TMEM244: variants seen among roughly 807,000 people sequenced by gnomAD.
The protein encoded by TMEM244 is transmembrane protein 244.
Under a neutral mutation model 15.8 loss-of-function variants are expected in TMEM244, and 13 were observed. That is an observed-to-expected ratio of 0.82 (90% CI 0.53 to 1.30). The LOEUF is 1.30. Ranked by LOEUF, TMEM244 falls within the 50% of genes most tolerant of loss-of-function variation. The pLI, the probability that TMEM244 is intolerant of heterozygous loss-of-function variation, is 0.00. For synonymous variants in TMEM244, 45 were observed against 48.7 expected, an observed-to-expected ratio of 0.92 and a Z score of 0.32; for missense variants, 161 against 144.9, an observed-to-expected ratio of 1.11 and a Z score of -0.57.
intron 2 of TMEM244, among the ~76,000 whole-genome samples, chr6:129,845,067 AC>A (rs2063768153): frequency 6.6e-6 from 1 of 152,218 alleles, no homozygotes; most frequent in Non-Finnish European, 1.5e-5. Flanking sequence ...TTTTACACTT[AC>A]ATAAAAATGA....
At chr6:129,847,750 A>G (rs924911673) in intron 1 of TMEM244, among the ~76,000 whole-genome samples, 4 of 147,590 alleles carry the variant, frequency 2.7e-5, no homozygotes, top group Admixed American at 2.7e-4. Context: ...AGGATCTCAC[A>G]TTCCTTGTTT....
intron 1 of TMEM244, among the ~76,000 whole-genome samples, chr6:129,848,307 G>T (rs1446372642): frequency 6.6e-6 from 1 of 152,190 alleles, no homozygotes; most frequent in Middle Eastern, 3.2e-3. Context: ...CCTTCCAGAA[G>T]CCGCAAACAG....
At chr6:129,855,100 C>T (rs1189759322) in intron 1 of TMEM244, among the ~76,000 whole-genome samples, 1 of 152,158 alleles carries the variant, frequency 6.6e-6, no homozygotes, top group Non-Finnish European at 1.5e-5. Context: ...AGTATTTCCC[C>T]TCAGGCAGGA....
In TMEM244 at chr6:129,841,039, A is replaced by G. The variant is rs142699232; in HGVS notation, c.193+2491T>C. 2.5e-3 allele frequency among the ~76,000 whole-genome samples: 374 copies of G among 152,334 alleles called. 1 individual carries two copies. The highest frequency in any genetic ancestry group is 8.4e-3 in the African/African-American group (350 of 41,568). ...GGCGATCCCTCAAGGATCTAGAACT[A>G]GAAATACCATTTGACCCACCAATCC... On this transcript the variant is annotated intron_variant, in intron 3 of 4. Coordinates refer to ENST00000368143, the MANE Select transcript of TMEM244 (RefSeq NM_001010876.2).
chr6:129,850,827 A>G (rs968379094), intron 1 of TMEM244, among the ~76,000 whole-genome samples: 4 of 152,246 alleles, frequency 2.6e-5, no homozygotes, highest in African/African-American at 4.8e-5. Flanking sequence ...AGACATCTCA[A>G]TTCAGACTAG....
intron 4 of TMEM244, among the ~76,000 whole-genome samples, chr6:129,832,798 C>G (rs1776348991): frequency 6.6e-6 from 1 of 152,142 alleles, no homozygotes; most frequent in African/African-American, 2.4e-5. Context: ...TTTCTTCTGG[C>G]TCCAAAAATC....
chr6:129,839,230 A>G (rs1250379510), intron 3 of TMEM244, among the ~76,000 whole-genome samples: 3 of 152,218 alleles, frequency 2.0e-5, no homozygotes, highest in African/African-American at 7.2e-5. Flanking sequence ...TTTATCCACC[A>G]TGAACAAGCT....
At chr6:129,846,382 T>C (rs1205919590) in intron 1 of TMEM244, among the ~76,000 whole-genome samples, 2 of 152,204 alleles carry the variant, frequency 1.3e-5, no homozygotes, top group Non-Finnish European at 2.9e-5. Context: ...TTTGGAACTA[T>C]CTTTTTAATT....
intron 1 of TMEM244, among the ~76,000 whole-genome samples, chr6:129,858,949 C>G (rs1776758974): frequency 6.6e-6 from 1 of 152,078 alleles, no homozygotes; most frequent in East Asian, 1.9e-4. Flanking sequence ...TGTGCACCAC[C>G]ACACCCAGCT....
intron 3 of TMEM244, among the ~76,000 whole-genome samples, chr6:129,839,280 A>G (rs1314028149): frequency 6.6e-6 from 1 of 152,224 alleles, no homozygotes; most frequent in African/African-American, 2.4e-5. Context: ...CAACATATTC[A>G]AATCAATAAA....
At chr6:129,843,744 G>T in intron 2 of TMEM244, 141 bp from the exon 3 acceptor site, 1 of 547,948 alleles carries the variant, frequency 1.8e-6, no homozygotes, top group Non-Finnish European at 3.3e-6. Flanking sequence ...AAACTGGCTG[G>T]AATGTGAAGG....
At chr6:129,852,724 A>C (rs555030618) in intron 1 of TMEM244, among the ~76,000 whole-genome samples, 1 of 152,250 alleles carries the variant, frequency 6.6e-6, no homozygotes, top group South Asian at 2.1e-4. Flanking sequence ...ACAGGGTTCT[A>C]CTGGGGGTTT....
intron 1 of TMEM244, among the ~76,000 whole-genome samples, chr6:129,854,378 G>A (rs1776675804): frequency 6.6e-6 from 1 of 152,200 alleles, no homozygotes; most frequent in African/African-American, 2.4e-5. Context: ...CACAGTGAGA[G>A]AGTCACCAAT....
intron 1 of TMEM244, among the ~76,000 whole-genome samples, chr6:129,856,597 A>C (rs61396594): frequency 4.6e-5 from 7 of 152,138 alleles, no homozygotes; most frequent in African/African-American, 1.7e-4. Context: ...AAATGTTCAA[A>C]TGTATAAACT....
At chr6:129,858,792 C>T (rs1018325469) in intron 1 of TMEM244, among the ~76,000 whole-genome samples, 13 of 145,302 alleles carry the variant, frequency 8.9e-5, no homozygotes, top group Middle Eastern at 3.5e-3. Context: ...ATAGTAGGAA[C>T]CATAGTCTTT....
chr6:129,833,705 A>G, intron 3 of TMEM244, 120 bp from the exon 4 acceptor site: 1 of 1,000,838 alleles, frequency 1.0e-6, no homozygotes, highest in East Asian at 2.6e-5. Context: ...GAATTTTTTA[A>G]ATGTTCCATT....
chr6:129,844,583 A>C (rs2114639464), intron 2 of TMEM244, among the ~76,000 whole-genome samples: 1 of 152,320 alleles, frequency 6.6e-6, no homozygotes, highest in South Asian at 2.1e-4. Context: ...CAGCTGGCCA[A>C]CCAGTTAGCT....
At chr6:129,848,428 C>T (rs771858952) in intron 1 of TMEM244, among the ~76,000 whole-genome samples, 22 of 152,098 alleles carry the variant, frequency 1.4e-4, no homozygotes, top group Admixed American at 6.6e-4. Flanking sequence ...ATCATGACTG[C>T]GCTTCCGGGG....
intron 1 of TMEM244, among the ~76,000 whole-genome samples, chr6:129,855,215 A>G (rs539019102): frequency 6.6e-6 from 1 of 152,268 alleles, no homozygotes; most frequent in East Asian, 1.9e-4. Context: ...ACTAACAATA[A>G]AGAAACACAT....
Sources: allele counts gnomAD v4.1 joint callset (sites outside exome capture counted in the v4.1 genomes callset), GRCh38; gene constraint gnomAD v4.1.1; transcripts MANE v1.5; gene names NCBI Gene and HGNC (gene_info 2026-07-23, HGNC 2026-07-21).